PTGER3: variants seen among roughly 807,000 people sequenced by gnomAD.
PTGER3 encodes prostaglandin E receptor 3.
Under a neutral mutation model 34.7 loss-of-function variants are expected in PTGER3, and 22 were observed. That is an observed-to-expected ratio of 0.63 (90% confidence interval 0.45 to 0.91). The LOEUF is 0.91. PTGER3 is among the 40% of genes least tolerant of loss of function. PTGER3 has a pLI of 0.00. For synonymous variants in PTGER3, 241 were observed against 230.1 expected (o/e 1.05, Z -0.43); for missense variants, 468 against 519.4 (o/e 0.90, Z 0.96).
chr1:70,964,122 C>G (rs1421722303), intron 2 of PTGER3, among the ~76,000 whole-genome samples: 3 of 152,194 alleles, frequency 2.0e-5, no homozygotes, highest in Non-Finnish European at 2.9e-5. Flanking sequence ...ACATCACTAT[C>G]AGCATTTTGC....
At chr1:70,963,846 G>A (rs1457148826) in intron 2 of PTGER3, among the ~76,000 whole-genome samples, 9 of 152,204 alleles carry the variant, frequency 5.9e-5, no homozygotes, top group Admixed American at 4.6e-4. Context: ...CCAGAAAATG[G>A]GTTTTTCTTT....
chr1:70,959,669 AT>A (rs893751566), intron 2 of PTGER3, among the ~76,000 whole-genome samples: 1 of 151,886 alleles, frequency 6.6e-6, no homozygotes, highest in Non-Finnish European at 1.5e-5. Flanking sequence ...CCCCTCTTCA[AT>A]TTTTTTCATC....
intron 2 of PTGER3, chr1:71,007,259 CAG>C (rs938785142): frequency 7.1e-6 from 7 of 985,432 alleles, no homozygotes; most frequent in Non-Finnish European, 8.4e-6. Flanking sequence ...TTGTTACAAA[CAG>C]ATCAAAATAA....
intron 4 of PTGER3, among the ~76,000 whole-genome samples, chr1:70,890,363 A>G (rs1195654542): frequency 1.3e-5 from 2 of 152,210 alleles, no homozygotes; most frequent in Non-Finnish European, 2.9e-5. Flanking sequence ...TAAGATCAGA[A>G]AGCCAATAAG....
In PTGER3 at chr1:70,971,415, T is replaced by C. The variant is rs1653065697; in HGVS notation, c.*315A>G. On this transcript the variant is annotated 3_prime_UTR_variant, in exon 4 of 4. Transcript: ENST00000306666. ...TTAAGATTCACGTAAAGGTTTGAAG[T>C]TGGAGAAAACTCCTGGAACACAGGT... is the stretch of plus-strand genomic sequence containing the variant. 2 of 1,076,290 alleles carry C rather than the reference T, an allele frequency of 1.9e-6. No individual in the cohort carries two copies. Among genetic ancestry groups the C allele is most frequent in the African/African-American group, 1.6e-5 (1 of 60,610 alleles). The allele number at this position is 1,076,290 out of a possible 1,614,324, so 66.7% of individuals were successfully genotyped here. A position where few individuals can be genotyped will look rare whatever the true frequency, so the allele number is the denominator to read the frequency against.
At chr1:70,944,859 G>T (rs1274535249) in intron 4 of PTGER3, among the ~76,000 whole-genome samples, 1 of 152,046 alleles carries the variant, frequency 6.6e-6, no homozygotes, top group Non-Finnish European at 1.5e-5. Flanking sequence ...AAAGGGTTTT[G>T]GGTCCTTGTC....
At chr1:71,036,432 A>G (rs1397165882) in intron 1 of PTGER3, among the ~76,000 whole-genome samples, 3 of 152,162 alleles carry the variant, frequency 2.0e-5, no homozygotes, top group Non-Finnish European at 4.4e-5. Context: ...CTGGAGGATC[A>G]CTTGAGCCCA....
chr1:70,967,193 TAGAG>T (rs1652614753), downstream of PTGER3, among the ~76,000 whole-genome samples: 1 of 152,104 alleles, frequency 6.6e-6, no homozygotes, highest in Non-Finnish European at 1.5e-5. Context: ...GAAATGTAAA[TAGAG>T]AATCAACTGC....
intron 4 of PTGER3, among the ~76,000 whole-genome samples, chr1:70,919,402 C>T (rs868379150): frequency 3.7e-4 from 56 of 152,236 alleles, no homozygotes; most frequent in Middle Eastern, 3.4e-3. Flanking sequence ...TCTTTCCTTT[C>T]CAGTGAGCTG....
chr1:70,932,773 A>G (rs1648837409), intron 4 of PTGER3, among the ~76,000 whole-genome samples: 2 of 152,054 alleles, frequency 1.3e-5, no homozygotes, highest in South Asian at 2.1e-4. Context: ...GCCAAACTAT[A>G]TCACCTCCCT....
At chr1:71,014,354 C>T (rs1358632837) in intron 1 of PTGER3, among the ~76,000 whole-genome samples, 1 of 152,180 alleles carries the variant, frequency 6.6e-6, no homozygotes, top group Non-Finnish European at 1.5e-5. Flanking sequence ...TCTTCTTTTC[C>T]TCATCCTCTG....
At chr1:71,017,339 T>C (rs1657997224) in intron 1 of PTGER3, among the ~76,000 whole-genome samples, 1 of 152,042 alleles carries the variant, frequency 6.6e-6, no homozygotes, top group African/African-American at 2.4e-5. Flanking sequence ...CTCTAAAAAC[T>C]GAAAAAGGCA....
intron 4 of PTGER3, among the ~76,000 whole-genome samples, chr1:70,888,889 C>A (rs558194231): frequency 6.6e-6 from 1 of 152,070 alleles, no homozygotes; most frequent in East Asian, 1.9e-4. Flanking sequence ...CTGGCACCCT[C>A]GTGGTATGAA....
intron 4 of PTGER3, among the ~76,000 whole-genome samples, chr1:70,933,501 C>G (rs1314456409): frequency 6.6e-6 from 1 of 152,164 alleles, no homozygotes; most frequent in Non-Finnish European, 1.5e-5. Context: ...AATATTTTCC[C>G]CAAATAAACA....
intron 4 of PTGER3, among the ~76,000 whole-genome samples, chr1:70,890,459 A>G (rs1191712559): frequency 6.6e-6 from 1 of 152,218 alleles, no homozygotes; most frequent in Non-Finnish European, 1.5e-5. Flanking sequence ...GTGGACATCA[A>G]AACAACTATA....
chr1:70,985,621 A>G (rs1654844119), intron 2 of PTGER3, among the ~76,000 whole-genome samples: 1 of 152,140 alleles, frequency 6.6e-6, no homozygotes, highest in African/African-American at 2.4e-5. Context: ...CCTGTGATCA[A>G]TTAAGCAGCT....
At chr1:70,937,606 T>C (rs1422731391) in intron 4 of PTGER3, among the ~76,000 whole-genome samples, 1 of 152,204 alleles carries the variant, frequency 6.6e-6, no homozygotes, top group Non-Finnish European at 1.5e-5. Flanking sequence ...AACTGCCTTT[T>C]AGGTATCATT....
At chr1:71,035,012 T>C (rs1659704102) in intron 1 of PTGER3, among the ~76,000 whole-genome samples, 1 of 149,478 alleles carries the variant, frequency 6.7e-6, no homozygotes, top group Non-Finnish European at 1.5e-5. Flanking sequence ...CCTGGCACAA[T>C]CTTGGCTCTA....
intron 4 of PTGER3, among the ~76,000 whole-genome samples, chr1:70,859,613 G>A (rs1053182861): frequency 2.0e-5 from 3 of 152,146 alleles, no homozygotes; most frequent in Admixed American, 6.5e-5. Flanking sequence ...TTGACATAAC[G>A]GGCGAAAACA....
Sources: gnomAD v4.1 joint callset for allele counts (sites outside exome capture counted in the v4.1 genomes callset) on GRCh38, gnomAD v4.1.1 for gene constraint, MANE v1.5 for transcripts, NCBI Gene and HGNC (gene_info 2026-07-23, HGNC 2026-07-21) for gene names.